The following PCNT variants were observed in gnomAD, a reference collection of about 807,000 sequenced individuals.
PCNT encodes the protein pericentrin, also known as kendrin.
In PCNT, 319 loss-of-function variants were observed where a neutral mutation model predicts 380.4. The observed-to-expected ratio is 0.84, with a 90% CI of 0.77 to 0.92. The LOEUF (loss-of-function observed/expected upper bound fraction) is 0.92, where lower values mean the gene tolerates loss of function less well. Among genes scored for constraint, PCNT ranks in the 40% least tolerant of loss-of-function variants. The pLI is 0.00. For synonymous variants in PCNT, 1,845 were observed against 1,735.2 expected (o/e 1.06, Z -1.57); for missense variants, 4,400 against 4,255.3 (o/e 1.03, Z -0.95).
In PCNT at chr21:46,443,951, C is replaced by T; in HGVS notation, c.9839+3C>T. The T allele has an allele frequency of 6.2e-7, 1 of 1,611,738 alleles. No individual in the cohort carries two copies. Among genetic ancestry groups the T allele is most frequent in the Non-Finnish European group, 8.5e-7 (1 of 1,179,620 alleles). ...GCCTCCCCACACAGTGGGGGAAGGT[C>T]AGTGTGATGCCTTCAGGCCCCGTCT... On this transcript the variant is annotated splice_donor_region_variant and intron_variant, in intron 45 of 46. Transcript: ENST00000359568.
chr21:46,378,146 C>T (rs925659273), intron 15 of PCNT, among the ~76,000 whole-genome samples: 9 of 152,042 alleles, frequency 5.9e-5, no homozygotes, highest in African/African-American at 1.7e-4. Context: ...CTTTACCATA[C>T]GGTGGTCGCC....
In PCNT at chr21:46,355,721, C is replaced by T. The variant is rs111701564; in HGVS notation, c.1936+95C>T. 53 of 1,238,902 alleles carry T rather than the reference C, an allele frequency of 4.3e-5. 2 individuals are homozygous for T. The highest frequency in any genetic ancestry group is 3.0e-4 in the African/African-American group (20 of 67,642). The allele number at this position is 1,238,902 out of a possible 1,614,324, so 76.7% of individuals were successfully genotyped here. ...GTGCCTGGGTTCGATCCAAGTCCTC[C>T]GTGAAGCAGCTGAGTGCTCCGACCT... On this transcript the variant is annotated intron_variant, in intron 12 of 46. Coordinates refer to ENST00000359568, the MANE Select transcript of PCNT (RefSeq NM_006031.6).
At chr21:46,375,820 C>G (rs1269802494) in intron 15 of PCNT, among the ~76,000 whole-genome samples, 1 of 152,256 alleles carries the variant, frequency 6.6e-6, no homozygotes, top group Non-Finnish European at 1.5e-5. Context: ...CCTCCTACGT[C>G]CTCTGCAGGT....
chr21:46,378,364 C>G (rs991810433), intron 15 of PCNT, among the ~76,000 whole-genome samples: 1 of 152,166 alleles, frequency 6.6e-6, no homozygotes, highest in African/African-American at 2.4e-5. Context: ...GTCTCTGGCA[C>G]GTCTGAATTG....
chr21:46,388,903 G>T lies in PCNT; in HGVS notation c.3607+19G>T. On this transcript the variant is annotated intron_variant, in intron 18 of 46. Transcript: ENST00000359568. This position sits in a 1 kb window ranked among gnomAD's most constrained non-coding sequence, Gnocchi z 4.2. ...TCGACAGGTGAGTGTGCCGGGACCA[G>T]CTGCCCAGCCCTGTGCTTGCAGCCC... 6.3e-7 allele frequency: 1 copy of T among 1,582,424 alleles called. No individual in the cohort carries two copies. Among genetic ancestry groups the T allele is most frequent in the Non-Finnish European group, 8.5e-7 (1 of 1,170,334 alleles).
intron 16 of PCNT, among the ~76,000 whole-genome samples, chr21:46,382,305 A>G (rs1289622497): frequency 6.8e-6 from 1 of 146,468 alleles, no homozygotes; most frequent in Admixed American, 6.9e-5. Context: ...TTGTGCATTC[A>G]GTGGTGGAAG....
At position 46,354,063 on chromosome 21, in the gene PCNT, C is replaced by T. The variant is rs1383343271; in HGVS notation, c.1756C>T (p.His586Tyr). The change falls in exon 11 of 47, where the codon CAT (histidine) becomes TAT (tyrosine). Residue 586 changes from histidine to tyrosine, a missense_variant. His to Tyr is a moderately conservative substitution (Grantham distance 83). Transcript: ENST00000359568. ...DHVDELEPERHKESLPRFQAE... is the reference protein window; with the variant it reads ...DHVDELEPERYKESLPRFQAE... The stretch of plus-strand genomic sequence containing the variant: ...CGTTGATGAACTCGAGCCTGAGCGA[C>T]ATAAGGTAATTGGCCGCGCGCTGAG... 3.7e-6 allele frequency: 6 copies of T among 1,613,888 alleles called. No individual in the cohort carries two copies. The highest frequency in any genetic ancestry group is 3.3e-5 in the Admixed American group (2 of 60,004).
rs1365063810 is a variant in PCNT at position 46,324,219 on chromosome 21, T to C, written c.-10T>C. The C allele has an allele frequency of 6.2e-7, 1 of 1,609,296 alleles. No individual in the cohort carries two copies. Among genetic ancestry groups the C allele is most frequent in the Non-Finnish European group, 8.5e-7 (1 of 1,178,020 alleles). ...TCACCGCCGGGCGGCCCGCGCGGAG[T>C]CTGAGGGAGATGGAAGTTGAGCAAG... On this transcript the variant is annotated 5_prime_UTR_variant, in exon 1 of 47. Transcript: ENST00000359568.
At position 46,397,408 on chromosome 21, in the gene PCNT, G is replaced by A. The variant is rs763965590; in HGVS notation, c.4360G>A (p.Ala1454Thr). The change falls in exon 22 of 47, where the codon GCC (alanine) becomes ACC (threonine). Residue 1454 changes from alanine to threonine, a missense_variant. Ala to Thr is a moderately conservative substitution (Grantham distance 58). Coordinates refer to ENST00000359568, the MANE Select transcript of PCNT (RefSeq NM_006031.6). ...EEQLSQHRGC[A>T]KQAEAVTALE... ...ACAGCTGTCTCAGCATCGCGGGTGT[G>A]CCAAGCAGGCGGAGGCCGTCACTGC... 1 of 1,614,182 alleles carries A rather than the reference G, an allele frequency of 6.2e-7. No homozygotes were observed. The highest frequency in any genetic ancestry group is 1.3e-5 in the African/African-American group (1 of 75,060).
chr21:46,389,702 TAAGA>T (rs575864505), intron 19 of PCNT, among the ~76,000 whole-genome samples: 31 of 152,370 alleles, frequency 2.0e-4, no homozygotes, highest in Middle Eastern at 6.8e-3. Flanking sequence ...AGATTATCAC[TAAGA>T]AAGGAAATTT....
chr21:46,376,786 T>G (rs1601886122), intron 15 of PCNT, among the ~76,000 whole-genome samples: 1 of 152,306 alleles, frequency 6.6e-6, no homozygotes, highest in East Asian at 1.9e-4. Context: ...ATCAGCAAGG[T>G]AATTAAAGTT....
chr21:46,359,480 G>GTTGTTTTTT (rs2084609442), intron 13 of PCNT, among the ~76,000 whole-genome samples: 1 of 65,730 alleles, frequency 1.5e-5, no homozygotes, highest in Non-Finnish European at 3.4e-5. Context: ...AAATACACCT[G>GTTGTTTTTT]TTTTTTTTTT....
rs2147777780 is a variant in PCNT, at chr21:46,416,784, T to C, written c.6866T>C (p.Leu2289Pro). ...GGCGTGTCTGCAGCAGCGCTGGCAC[T>C]GCAGTGGGCCGAGTCTCCGCCGGCT... ...SPGVSAAALA[L>P]QWAESPPADD... Residue 2289 changes from leucine (L) to proline (P), a missense_variant, in exon 30 of 47, where the codon CTG becomes CCG. Transcript: ENST00000359568. The C allele has an allele frequency of 6.2e-7, 1 of 1,602,372 alleles. No individual in the cohort carries two copies. Among genetic ancestry groups the C allele is most frequent in the Non-Finnish European group, 8.5e-7 (1 of 1,178,950 alleles).
rs781224192 is a variant in PCNT at position 46,402,313 on chromosome 21, CTTT to C, written c.4963-16_4963-14del. On this transcript the variant is annotated splice_polypyrimidine_tract_variant and intron_variant, in intron 26 of 46. Transcript: ENST00000359568. ...TTAGATGACTTTTAATACTTTTCTTCTTTTGTTTTAATGAAAGGTTTTGGACTT... is the reference window on the plus strand; with the variant it reads ...TTAGATGACTTTTAATACTTTTCTTCTGTTTTAATGAAAGGTTTTGGACTT... 1.5e-5 allele frequency: 23 copies of C among 1,545,336 alleles called. No individual in the cohort carries two copies. The highest frequency in any genetic ancestry group is 1.9e-5 in the Non-Finnish European group (21 of 1,119,698).
intron 21 of PCNT, among the ~76,000 whole-genome samples, chr21:46,396,777 A>G (rs1206905850): frequency 6.6e-6 from 1 of 151,952 alleles, no homozygotes; most frequent in African/African-American, 2.4e-5. Context: ...CTAATTTTGT[A>G]TTTTTAGTAG....
chr21:46,379,000 G>A lies in PCNT; in HGVS notation c.3166-2694G>A, dbSNP rs150786377. On this transcript the variant is annotated intron_variant, in intron 15 of 46. Coordinates refer to ENST00000359568, the MANE Select transcript of PCNT (RefSeq NM_006031.6). ...GTCGTTACCTGCACTACTGCTGCTCGTTTCTTCCTGGAAATTCAGGTCTGG... is the reference window on the plus strand; with the variant it reads ...GTCGTTACCTGCACTACTGCTGCTCATTTCTTCCTGGAAATTCAGGTCTGG... 2.7e-3 allele frequency among the ~76,000 whole-genome samples: 416 copies of A among 152,238 alleles called. 3 individuals carry two copies. The highest frequency in any genetic ancestry group is 0.01 in the Middle Eastern group (3 of 294).
chr21:46,444,826 T>C lies in PCNT; in HGVS notation c.9967+5T>C, dbSNP rs2053711196. ...GATTGGGAGGGGTACTACCAGGTAA[T>C]GCAAGTCCTCGCCGAGTATTTATTA... On this transcript the variant is annotated splice_donor_5th_base_variant and intron_variant, in intron 46 of 46. Transcript: ENST00000359568. The C allele has an allele frequency of 6.2e-7, 1 of 1,613,016 alleles. No homozygotes were observed. Among genetic ancestry groups the C allele is most frequent in the Non-Finnish European group, 8.5e-7 (1 of 1,179,024 alleles).
At chr21:46,413,879 C>T (rs1377304982) in intron 29 of PCNT, among the ~76,000 whole-genome samples, 2 of 152,220 alleles carry the variant, frequency 1.3e-5, no homozygotes, top group Admixed American at 6.5e-5. Context: ...GCTGGTGCTT[C>T]TCCCACCCAG....
At chr21:46,353,907 A>G in intron 10 of PCNT, 80 bp from the exon 11 acceptor site, 1 of 1,213,400 alleles carries the variant, frequency 8.2e-7, no homozygotes, top group Admixed American at 1.9e-5. Flanking sequence ...TGCTGTGAGC[A>G]GTCGGTCCTG....
Sources: allele counts gnomAD v4.1 joint callset (sites outside exome capture counted in the v4.1 genomes callset), GRCh38; gene constraint gnomAD v4.1.1; non-coding constraint Gnocchi (gnomAD v3.1); transcripts MANE v1.5; gene names NCBI Gene and HGNC (gene_info 2026-07-23, HGNC 2026-07-21).